Variants in PCDH9 observed in about 807,000 individuals in gnomAD.
PCDH9 encodes protocadherin 9.
PCDH9 carries 24 observed loss-of-function variants against 70.6 expected under a neutral mutation model. The observed-to-expected ratio is 0.34, with a 90% CI of 0.25 to 0.48. The LOEUF is 0.48. PCDH9 is among the 20% of genes least tolerant of loss of function. The pLI, the probability that PCDH9 is intolerant of heterozygous loss-of-function variation, is 0.99. For synonymous variants in PCDH9, 562 were observed against 558.5 expected (o/e 1.01, Z -0.09); for missense variants, 1,281 against 1,503.6 (o/e 0.85, Z 2.45).
At chr13:66,941,169 A>G (rs1275183102) in intron 2 of PCDH9, among the ~76,000 whole-genome samples, 4 of 151,878 alleles carry the variant, frequency 2.6e-5, no homozygotes, top group Admixed American at 6.6e-5. Flanking sequence ...TCTGTATTAT[A>G]TATGAATGGA....
chr13:66,685,356 T>A (rs1012408969), intron 3 of PCDH9, among the ~76,000 whole-genome samples: 3 of 152,238 alleles, frequency 2.0e-5, no homozygotes, highest in Admixed American at 6.5e-5. Flanking sequence ...CACATGGTGT[T>A]GGGCCTGCAA....
chr13:66,844,195 A>G (rs142300796), intron 3 of PCDH9, among the ~76,000 whole-genome samples: 1 of 152,284 alleles, frequency 6.6e-6, no homozygotes, highest in African/African-American at 2.4e-5. Context: ...TTCATATTCA[A>G]CACCATAAAA....
Position 67,197,199 on chromosome 13 carries a change from C to T in PCDH9, c.3036+28206G>A, listed in dbSNP as rs938948842. Among the ~76,000 whole-genome samples the T allele has an allele frequency of 1.2e-4, 19 of 152,038 alleles. 1 individual carries two copies. The highest frequency in any genetic ancestry group is 1.0e-3 in the South Asian group (5 of 4,816). ...AGCTCTATCTGGCTGCATATTTGCA[C>T]GTCTGGTAATAGCCTCAATTATATA... is the stretch of plus-strand genomic sequence containing the variant. On this transcript the variant is annotated intron_variant, in intron 2 of 4. Transcript: ENST00000377865.
At chr13:66,918,185 G>A (rs556896910) in intron 2 of PCDH9, among the ~76,000 whole-genome samples, 1 of 151,322 alleles carries the variant, frequency 6.6e-6, no homozygotes, top group East Asian at 1.9e-4. Flanking sequence ...CAGATGTTTT[G>A]AGTAATGTGC....
chr13:66,981,557 A>G (rs1288801024), intron 2 of PCDH9, among the ~76,000 whole-genome samples: 1 of 152,008 alleles, frequency 6.6e-6, no homozygotes, highest in African/African-American at 2.4e-5. Context: ...AATTTGATTC[A>G]ATTTAAACTT....
chr13:67,078,194 G>A (rs2085916000), intron 2 of PCDH9, among the ~76,000 whole-genome samples: 1 of 152,092 alleles, frequency 6.6e-6, no homozygotes, highest in African/African-American at 2.4e-5. Flanking sequence ...TGCTTCACCT[G>A]GGCTTCTTCC....
At chr13:66,775,612 A>G (rs2079877985) in intron 3 of PCDH9, among the ~76,000 whole-genome samples, 1 of 152,142 alleles carries the variant, frequency 6.6e-6, no homozygotes, top group Non-Finnish European at 1.5e-5. Flanking sequence ...CTTCCACTTA[A>G]CCGATAATAA....
At chr13:66,775,815 T>C (rs1044312789) in intron 3 of PCDH9, among the ~76,000 whole-genome samples, 8 of 152,186 alleles carry the variant, frequency 5.3e-5, no homozygotes, top group African/African-American at 1.9e-4. Flanking sequence ...TTCTCAACTG[T>C]GTGCAATGTT....
chr13:66,680,464 C>A (rs1008418067), intron 3 of PCDH9, among the ~76,000 whole-genome samples: 5 of 151,820 alleles, frequency 3.3e-5, no homozygotes, highest in Admixed American at 6.6e-5. Context: ...ATATTTAATT[C>A]TTTTTAGTAT....
At chr13:66,628,307 T>G (rs1212624699) in intron 4 of PCDH9, among the ~76,000 whole-genome samples, 2 of 152,182 alleles carry the variant, frequency 1.3e-5, no homozygotes, top group East Asian at 3.8e-4. Context: ...ATTAAAGTAT[T>G]CAAAGGATCC....
At chr13:67,117,953 A>G (rs138264687) in intron 2 of PCDH9, among the ~76,000 whole-genome samples, 1 of 152,258 alleles carries the variant, frequency 6.6e-6, no homozygotes, top group East Asian at 1.9e-4. Context: ...ATATTAAGGT[A>G]ACAATTTTAT....
At chr13:66,617,405 G>A (rs1322413261) in intron 4 of PCDH9, among the ~76,000 whole-genome samples, 2 of 152,008 alleles carry the variant, frequency 1.3e-5, no homozygotes, top group African/African-American at 4.8e-5. Context: ...TAAACCCTTG[G>A]GACTCCTTTA....
At chr13:66,592,274 A>G (rs182480354) in intron 4 of PCDH9, among the ~76,000 whole-genome samples, 22 of 151,836 alleles carry the variant, frequency 1.4e-4, no homozygotes, top group African/African-American at 5.3e-4. Context: ...GGCAGGATAC[A>G]TGATCAATCC....
At chr13:67,048,049 T>A (rs1032738787) in intron 2 of PCDH9, among the ~76,000 whole-genome samples, 1 of 152,212 alleles carries the variant, frequency 6.6e-6, no homozygotes, top group African/African-American at 2.4e-5. Context: ...TGCCATTACA[T>A]GTGTTGCCCA....
chr13:66,715,428 A>C (rs1420828864), intron 3 of PCDH9, among the ~76,000 whole-genome samples: 1 of 152,064 alleles, frequency 6.6e-6, no homozygotes, highest in East Asian at 1.9e-4. Context: ...AATTAATAAG[A>C]AGATCATGCA....
At chr13:66,943,274 A>G (rs976413028) in intron 2 of PCDH9, among the ~76,000 whole-genome samples, 7 of 151,838 alleles carry the variant, frequency 4.6e-5, no homozygotes, top group Admixed American at 1.3e-4. Context: ...TCATTTTTCT[A>G]TCTACCTTTC....
chr13:66,758,019 T>C (rs989882348), intron 3 of PCDH9, among the ~76,000 whole-genome samples: 2 of 152,082 alleles, frequency 1.3e-5, no homozygotes, highest in East Asian at 1.9e-4. Context: ...CATTATCATA[T>C]GTTATTGGCA....
At chr13:67,116,567 A>C (rs957363282) in intron 2 of PCDH9, among the ~76,000 whole-genome samples, 7 of 152,182 alleles carry the variant, frequency 4.6e-5, no homozygotes, top group Non-Finnish European at 8.8e-5. Flanking sequence ...ATAAAAAAAA[A>C]TTTCTTGGGT....
intron 2 of PCDH9, among the ~76,000 whole-genome samples, chr13:66,909,022 G>T (rs974128064): frequency 6.6e-6 from 1 of 151,996 alleles, no homozygotes; most frequent in African/African-American, 2.4e-5. Context: ...TGATATGAAG[G>T]AAATGTTACC....
Sources: gnomAD v4.1 joint callset for allele counts (sites outside exome capture counted in the v4.1 genomes callset) on GRCh38, gnomAD v4.1.1 for gene constraint, MANE v1.5 for transcripts, NCBI Gene and HGNC (gene_info 2026-07-23, HGNC 2026-07-21) for gene names.